TENM3: variants seen among roughly 807,000 people sequenced by gnomAD.
TENM3 encodes the protein teneurin-3.
A neutral mutation model predicts 255.1 loss-of-function variants in TENM3; 63 were observed. The ratio of observed to expected loss-of-function variants is 0.25; its 90% confidence interval spans 0.20 to 0.30. The LOEUF is 0.30. TENM3 is among the 10% of genes least tolerant of loss of function. The pLI is 1.00. For synonymous variants in TENM3, 1,306 were observed against 1,322.3 expected (o/e 0.99, Z 0.27); for missense variants, 2,929 against 3,461.1 (o/e 0.85, Z 3.86).
chr4:182,648,818 A>G (rs1308422293), intron 5 of TENM3, among the ~76,000 whole-genome samples: 1 of 152,156 alleles, frequency 6.6e-6, no homozygotes, highest in Non-Finnish European at 1.5e-5. Flanking sequence ...GAACTTATAC[A>G]GTATTCCCTT....
chr4:182,691,692 T>G (rs1329597876), intron 12 of TENM3, among the ~76,000 whole-genome samples: 1 of 152,234 alleles, frequency 6.6e-6, no homozygotes, highest in African/African-American at 2.4e-5. Flanking sequence ...TGATTGGTGA[T>G]GCATGCAGAT....
rs776756087 is a variant in TENM3, at chr4:182,440,172, G to A, written c.511+93243G>A. On this transcript the variant is annotated intron_variant, in intron 3 of 27. Transcript: ENST00000511685. ...CTGTTGCCCAGGCTGGAGTGCAGCC[G>A]TGCGATCTCGGCTCACTGCAACCTC... Among the ~76,000 whole-genome samples the A allele has an allele frequency of 1.2e-4, 17 of 138,414 alleles. No individual in the cohort carries two copies. In the South Asian group the frequency reaches 2.1e-3, roughly 17 times the overall value. The allele number at this position is 138,414 out of a possible 152,430, so 90.8% of individuals were successfully genotyped here. A position where few individuals can be genotyped will look rare whatever the true frequency, so the allele number is the denominator to read the frequency against.
intron 3 of TENM3, among the ~76,000 whole-genome samples, chr4:182,503,314 A>T (rs1385856908): frequency 6.6e-6 from 1 of 152,120 alleles, no homozygotes; most frequent in Non-Finnish European, 1.5e-5. Flanking sequence ...AGGGACATTC[A>T]GTCTTTAGCG....
Position 182,370,508 on chromosome 4 carries a change from C to G in TENM3, c.511+23579C>G, listed in dbSNP as rs142723656. On this transcript the variant is annotated intron_variant, in intron 3 of 27. Transcript: ENST00000511685. ...ACATTACCTGAATATTTTAATCAAC[C>G]TTTTTAAAAGATAAGTCGGTTTTAA... Among the ~76,000 whole-genome samples the G allele has an allele frequency of 2.0e-5, 3 of 152,194 alleles. No homozygotes were observed. In the East Asian group the frequency reaches 5.8e-4, roughly 29 times the overall value.
chr4:182,429,684 A>C (rs528661796), intron 3 of TENM3, among the ~76,000 whole-genome samples: 1 of 152,342 alleles, frequency 6.6e-6, no homozygotes, highest in South Asian at 2.1e-4. Flanking sequence ...CATGGAATCC[A>C]GTGGTCATCT....
chr4:181,703,863 T>C, the TENM3 span, among the ~76,000 whole-genome samples: 1 of 152,170 alleles, frequency 6.6e-6, no homozygotes, highest in Non-Finnish European at 1.5e-5. Context: ...TCTTTGACCT[T>C]ATTAAATTGC....
intron 6 of TENM3, among the ~76,000 whole-genome samples, chr4:182,662,816 G>T (rs1225699828): frequency 6.6e-6 from 1 of 152,146 alleles, no homozygotes; most frequent in Non-Finnish European, 1.5e-5. Flanking sequence ...CTGACTTCCA[G>T]GTGTGTTTAC....
At chr4:181,666,132 A>G in the TENM3 span, among the ~76,000 whole-genome samples, 11 of 152,140 alleles carry the variant, frequency 7.2e-5, no homozygotes, top group East Asian at 1.9e-3. Context: ...TTTCCTTCAC[A>G]TGAGAAAATA....
At chr4:182,192,382 C>T (rs577783192) in intron 1 of TENM3, among the ~76,000 whole-genome samples, 1 of 152,276 alleles carries the variant, frequency 6.6e-6, no homozygotes, top group East Asian at 1.9e-4. Flanking sequence ...CTCCCATTGC[C>T]CTTTCAAATT....
At chr4:181,489,209 G>A in the TENM3 span, among the ~76,000 whole-genome samples, 7 of 152,166 alleles carry the variant, frequency 4.6e-5, no homozygotes, top group South Asian at 2.1e-4. Flanking sequence ...ACAATATTGA[G>A]TTTTAGGACT....
At chr4:181,707,874 A>G in the TENM3 span, among the ~76,000 whole-genome samples, 3 of 152,234 alleles carry the variant, frequency 2.0e-5, no homozygotes, top group African/African-American at 7.2e-5. Flanking sequence ...AGAATCTAGT[A>G]ATTGATTCAT....
the TENM3 span, among the ~76,000 whole-genome samples, chr4:181,865,952 C>A: frequency 6.6e-6 from 1 of 152,106 alleles, no homozygotes; most frequent in East Asian, 1.9e-4. Flanking sequence ...TCTTTATAAA[C>A]CTGTACAGAA....
chr4:182,269,955 T>G (rs183677152), intron 1 of TENM3, among the ~76,000 whole-genome samples: 1 of 152,220 alleles, frequency 6.6e-6, no homozygotes, highest in African/African-American at 2.4e-5. Context: ...GCCCAGAAAG[T>G]TGGGGCATCC....
chr4:181,491,103 A>C, the TENM3 span, among the ~76,000 whole-genome samples: 1 of 152,130 alleles, frequency 6.6e-6, no homozygotes, highest in Non-Finnish European at 1.5e-5. Context: ...GCCTAAAAAA[A>C]ATCTATGGTC....
the TENM3 span, among the ~76,000 whole-genome samples, chr4:181,610,120 C>T: frequency 3.3e-5 from 5 of 152,184 alleles, no homozygotes; most frequent in African/African-American, 1.2e-4. Context: ...AAGAAAACCT[C>T]TATTTCGCTG....
the TENM3 span, among the ~76,000 whole-genome samples, chr4:181,509,078 C>T: frequency 5.3e-5 from 8 of 151,832 alleles, no homozygotes; most frequent in Non-Finnish European, 1.0e-4. Context: ...AAAAATAAAG[C>T]CTGCAACCCG....
the TENM3 span, among the ~76,000 whole-genome samples, chr4:182,083,774 C>T: frequency 2.0e-5 from 3 of 152,238 alleles, no homozygotes; most frequent in African/African-American, 7.2e-5. Flanking sequence ...ACTGCATATA[C>T]GTGGCACTCG....
At chr4:182,599,911 T>C (rs960382277) in intron 3 of TENM3, among the ~76,000 whole-genome samples, 7 of 152,196 alleles carry the variant, frequency 4.6e-5, no homozygotes, top group African/African-American at 1.7e-4. Flanking sequence ...CATCTATCTG[T>C]TTGGTAAAAT....
chr4:182,225,368 C>T (rs1057125536), intron 1 of TENM3, among the ~76,000 whole-genome samples: 1 of 152,066 alleles, frequency 6.6e-6, no homozygotes. Context: ...TCTCTGGATG[C>T]TGGGATGTTA....
Sources: gnomAD v4.1 joint callset for allele counts (sites outside exome capture counted in the v4.1 genomes callset) on GRCh38, gnomAD v4.1.1 for gene constraint, MANE v1.5 for transcripts, NCBI Gene and HGNC (gene_info 2026-07-23, HGNC 2026-07-21) for gene names.